Variants in RALYL observed in about 807,000 individuals in gnomAD.
RALYL encodes the protein RALY RNA binding protein like.
In RALYL, 29 loss-of-function variants were observed where a neutral mutation model predicts 35.1. The observed-to-expected ratio is 0.83, with a 90% confidence interval of 0.61 to 1.13. RALYL has a LOEUF of 1.13. Among genes scored for constraint, RALYL ranks in the 50% most tolerant of loss-of-function variants. The pLI is 0.00. For missense variants in RALYL, 359 were observed against 360.4 expected, an observed-to-expected ratio of 1.00 and a Z score of 0.03; for synonymous variants, 120 against 127.6, an observed-to-expected ratio of 0.94 and a Z score of 0.40.
At chr8:84,388,219 C>T (rs1171708200) in intron 1 of RALYL, among the ~76,000 whole-genome samples, 1 of 152,118 alleles carries the variant, frequency 6.6e-6, no homozygotes, top group African/African-American at 2.4e-5. Flanking sequence ...ATATGTGCCA[C>T]ATTTTCTTAA....
intron 2 of RALYL, among the ~76,000 whole-genome samples, chr8:84,607,539 A>G (rs951889831): frequency 6.6e-6 from 1 of 152,124 alleles, no homozygotes; most frequent in Non-Finnish European, 1.5e-5. Context: ...ATGTGTCCCA[A>G]CATTGCCCAT....
At chr8:84,641,173 TC>T (rs1375265003) in intron 2 of RALYL, among the ~76,000 whole-genome samples, 1 of 151,266 alleles carries the variant, frequency 6.6e-6, no homozygotes, top group Non-Finnish European at 1.5e-5. Context: ...TTGATAACTT[TC>T]TTTATATCTC....
chr8:84,397,882 G>A (rs2042505088), intron 1 of RALYL, among the ~76,000 whole-genome samples: 1 of 152,150 alleles, frequency 6.6e-6, no homozygotes, highest in Non-Finnish European at 1.5e-5. Context: ...GGGAAAAGCT[G>A]TAATAGCTTC....
intron 1 of RALYL, among the ~76,000 whole-genome samples, chr8:84,415,599 T>A (rs1249512885): frequency 6.6e-6 from 1 of 152,170 alleles, no homozygotes; most frequent in Non-Finnish European, 1.5e-5. Context: ...ACCAGCCCAT[T>A]CTGCAATTCT....
intron 2 of RALYL, among the ~76,000 whole-genome samples, chr8:84,624,175 C>T (rs1242196739): frequency 6.6e-6 from 1 of 152,176 alleles, no homozygotes; most frequent in Non-Finnish European, 1.5e-5. Context: ...AAGGACAGCC[C>T]TTTCTGTGTT....
At chr8:84,796,913 T>C (rs897397150) in intron 3 of RALYL, among the ~76,000 whole-genome samples, 3 of 152,248 alleles carry the variant, frequency 2.0e-5, no homozygotes, top group Non-Finnish European at 2.9e-5. Context: ...GTGTTCTTTA[T>C]CTTTTCTTAA....
chr8:84,220,557 A>G (rs963468024), intron 1 of RALYL, among the ~76,000 whole-genome samples: 1 of 152,066 alleles, frequency 6.6e-6, no homozygotes, highest in South Asian at 2.1e-4. Context: ...AAATCAAGAA[A>G]AAACATAACC....
At chr8:84,471,222 A>T (rs146935858) in intron 1 of RALYL, among the ~76,000 whole-genome samples, 2 of 152,184 alleles carry the variant, frequency 1.3e-5, no homozygotes, top group African/African-American at 4.8e-5. Context: ...AGTTATTGCT[A>T]TTAAGAGAAA....
intron 2 of RALYL, among the ~76,000 whole-genome samples, chr8:84,680,162 C>G (rs1234574051): frequency 6.6e-6 from 1 of 152,068 alleles, no homozygotes; most frequent in Non-Finnish European, 1.5e-5. Context: ...CATCCATGTC[C>G]CTACAAAGGT....
At chr8:84,534,790 G>A (rs923106426) in intron 2 of RALYL, among the ~76,000 whole-genome samples, 2 of 152,184 alleles carry the variant, frequency 1.3e-5, no homozygotes, top group South Asian at 2.1e-4. Context: ...GCTGCTAAGC[G>A]AAGGCAAAGT....
At chr8:84,434,257 T>C (rs2047462635) in intron 1 of RALYL, among the ~76,000 whole-genome samples, 2 of 152,132 alleles carry the variant, frequency 1.3e-5, no homozygotes, top group South Asian at 2.1e-4. Context: ...CCTAATGACC[T>C]CATTTTAACT....
At chr8:84,445,881 TC>T (rs1039951765) in intron 1 of RALYL, among the ~76,000 whole-genome samples, 3 of 151,448 alleles carry the variant, frequency 2.0e-5, no homozygotes, top group Non-Finnish European at 4.4e-5. Context: ...GTAATAGTAT[TC>T]TTTTTTTGAT....
At chr8:84,899,032 G>A (rs1233758915) in intron 8 of RALYL, among the ~76,000 whole-genome samples, 1 of 152,206 alleles carries the variant, frequency 6.6e-6, no homozygotes, top group Non-Finnish European at 1.5e-5. Flanking sequence ...GGATGGATGA[G>A]TGAGTAGACT....
intron 3 of RALYL, among the ~76,000 whole-genome samples, chr8:84,777,761 C>A (rs780890953): frequency 1.9e-4 from 29 of 152,154 alleles, no homozygotes; most frequent in Middle Eastern, 3.2e-3. Flanking sequence ...CCTGCCTCAG[C>A]CTCCCGAGTA....
At chr8:84,209,769 A>T (rs1819002461) in intron 1 of RALYL, among the ~76,000 whole-genome samples, 2 of 152,204 alleles carry the variant, frequency 1.3e-5, no homozygotes, top group South Asian at 4.1e-4. Flanking sequence ...AAACATGACA[A>T]AGTAGATTTG....
intron 1 of RALYL, among the ~76,000 whole-genome samples, chr8:84,207,947 A>G (rs1189902519): frequency 6.6e-6 from 1 of 152,090 alleles, no homozygotes; most frequent in Non-Finnish European, 1.5e-5. Flanking sequence ...AGTTTCATCA[A>G]AGTAGAAATT....
intron 1 of RALYL, among the ~76,000 whole-genome samples, chr8:84,230,339 T>C (rs1271073272): frequency 6.6e-6 from 1 of 152,070 alleles, no homozygotes; most frequent in Non-Finnish European, 1.5e-5. Context: ...AAAATAAATA[T>C]TAATAAATAT....
intron 1 of RALYL, among the ~76,000 whole-genome samples, chr8:84,279,881 C>G (rs1348769235): frequency 6.6e-6 from 1 of 152,132 alleles, no homozygotes; most frequent in Non-Finnish European, 1.5e-5. Flanking sequence ...AATCCTAAAT[C>G]TCATTTGCAG....
intron 2 of RALYL, among the ~76,000 whole-genome samples, chr8:84,674,844 C>A (rs1350415339): frequency 6.6e-6 from 1 of 152,034 alleles, no homozygotes; most frequent in African/African-American, 2.4e-5. Context: ...GAAGAAGGTA[C>A]ATTTCTTATA....
Sources: allele counts gnomAD v4.1 joint callset (sites outside exome capture counted in the v4.1 genomes callset), GRCh38; gene constraint gnomAD v4.1.1; transcripts MANE v1.5; gene names NCBI Gene and HGNC (gene_info 2026-07-23, HGNC 2026-07-21).